Variants in ADGRL2 observed in about 807,000 individuals in gnomAD.
ADGRL2 encodes the protein adhesion G protein-coupled receptor L2.
In ADGRL2, 44 loss-of-function variants were observed where a neutral mutation model predicts 157.4. That is an observed-to-expected ratio of 0.28 (90% CI 0.22 to 0.36). The LOEUF is 0.36. Ranked by LOEUF, ADGRL2 falls within the 10% of genes least tolerant of loss-of-function variation. ADGRL2 has a pLI of 1.00. For missense variants in ADGRL2, 1,510 were observed against 1,768.9 expected (o/e 0.85, Z 2.63); for synonymous variants, 585 against 624.7 (o/e 0.94, Z 0.95).
chr1:81,947,407 A>T (rs187080420), intron 6 of ADGRL2, among the ~76,000 whole-genome samples: 209 of 152,352 alleles, frequency 1.4e-3, no homozygotes, highest in Middle Eastern at 3.4e-3. Context: ...TCTAGAGTCT[A>T]TGAAAATCTG....
rs377136402 is a variant in ADGRL2 at position 81,924,146 on chromosome 1, T to C, written c.288-12582T>C. Reference sequence around the variant, plus strand: ...ACCTGTGTGGCTGATTCTTCCCGCATATGTGTGTGCCTCCCTCAAGTATAT... The same window carrying C: ...ACCTGTGTGGCTGATTCTTCCCGCACATGTGTGTGCCTCCCTCAAGTATAT... On this transcript the variant is annotated intron_variant, in intron 3 of 23. Transcript: ENST00000686636. 5.9e-4 allele frequency among the ~76,000 whole-genome samples: 90 copies of C among 152,308 alleles called. No individual in the cohort carries two copies. In the South Asian group the frequency reaches 0.018, roughly 30 times the overall value.
intron 2 of ADGRL2, among the ~76,000 whole-genome samples, chr1:81,522,535 A>T (rs1178222279): frequency 6.6e-6 from 1 of 152,146 alleles, no homozygotes; most frequent in African/African-American, 2.4e-5. Context: ...AGCAGCACAT[A>T]TCAAGGAGGT....
intron 2 of ADGRL2, among the ~76,000 whole-genome samples, chr1:81,883,975 T>G (rs1277411347): frequency 7.1e-6 from 1 of 140,316 alleles, no homozygotes; most frequent in African/African-American, 2.7e-5. Flanking sequence ...AATGTTTCTT[T>G]GTTTTCATAT....
intron 2 of ADGRL2, among the ~76,000 whole-genome samples, chr1:81,896,859 A>T (rs1025931232): frequency 6.6e-6 from 1 of 152,168 alleles, no homozygotes; most frequent in African/African-American, 2.4e-5. Flanking sequence ...ATTCATTCAT[A>T]TATCCATTTA....
intron 3 of ADGRL2, among the ~76,000 whole-genome samples, chr1:81,914,659 T>C (rs751603877): frequency 3.3e-5 from 5 of 152,210 alleles, no homozygotes; most frequent in African/African-American, 1.2e-4. Context: ...TAACCCATCA[T>C]GTCTATGCAA....
At chr1:81,697,642 A>G (rs2083473104), upstream of ADGRL2, among the ~76,000 whole-genome samples, 1 of 152,228 alleles carries the variant, frequency 6.6e-6, no homozygotes, top group Non-Finnish European at 1.5e-5. Context: ...AAGACATTGG[A>G]TAGCAAAATC....
chr1:81,424,194 G>A (rs6684794), intron 1 of ADGRL2, among the ~76,000 whole-genome samples: 72,924 of 152,002 alleles, frequency 0.48, 17,991 homozygotes, highest in Non-Finnish European at 0.53. Flanking sequence ...GAGCATCCCA[G>A]AAAGGATGAT....
chr1:81,310,181 T>C (rs567009278), intron 1 of ADGRL2, among the ~76,000 whole-genome samples: 9 of 152,144 alleles, frequency 5.9e-5, no homozygotes, highest in South Asian at 4.1e-4. Context: ...CGGTGAAACA[T>C]TGAATATAAT....
At chr1:81,665,342 G>T (rs952108585) in intron 3 of ADGRL2, among the ~76,000 whole-genome samples, 1 of 152,008 alleles carries the variant, frequency 6.6e-6, no homozygotes. Flanking sequence ...ATCTTATGTG[G>T]TTTCTATGTA....
At chr1:81,361,017 A>G (rs2075969394) in intron 1 of ADGRL2, among the ~76,000 whole-genome samples, 1 of 151,902 alleles carries the variant, frequency 6.6e-6, no homozygotes, top group Non-Finnish European at 1.5e-5. Context: ...CCCAGCCCCC[A>G]TAAGAAGAAA....
chr1:81,929,797 A>AGG (rs2095187964), intron 3 of ADGRL2, among the ~76,000 whole-genome samples: 1 of 152,138 alleles, frequency 6.6e-6, no homozygotes, highest in Non-Finnish European at 1.5e-5. Context: ...CATCTTACAT[A>AGG]GGGGACATTG....
chr1:81,610,655 G>A (rs761048523), intron 3 of ADGRL2, among the ~76,000 whole-genome samples: 4 of 152,140 alleles, frequency 2.6e-5, no homozygotes, highest in Non-Finnish European at 4.4e-5. Flanking sequence ...GGGTAAGAGA[G>A]GAATCTGTGA....
intron 3 of ADGRL2, among the ~76,000 whole-genome samples, chr1:81,595,611 C>T (rs2081215197): frequency 6.6e-6 from 1 of 152,160 alleles, no homozygotes; most frequent in African/African-American, 2.4e-5. Context: ...AATTGATTAA[C>T]ATTTAAGAAA....
At chr1:81,361,974 T>C (rs987033890) in intron 1 of ADGRL2, among the ~76,000 whole-genome samples, 4 of 151,888 alleles carry the variant, frequency 2.6e-5, no homozygotes, top group African/African-American at 9.7e-5. Flanking sequence ...TAGTCTGCCC[T>C]CCATTCCCGG....
chr1:81,855,428 G>A lies in ADGRL2; in HGVS notation c.73+18371G>A, dbSNP rs566776975. Among the ~76,000 whole-genome samples, 4 of 152,198 alleles carry A rather than the reference G, an allele frequency of 2.6e-5. No homozygotes were observed. The East Asian group carries it at 5.8e-4, about 22-fold the overall frequency. ...TGCACTTCAGCCTGGGCCACAGAGC[G>A]AGGCCCTGTCTCAAAAAAACCAAAA... On this transcript the variant is annotated intron_variant, in intron 2 of 23. Transcript: ENST00000686636.
intron 11 of ADGRL2, among the ~76,000 whole-genome samples, chr1:81,961,752 C>T (rs915387634): frequency 1.3e-5 from 2 of 152,000 alleles, no homozygotes; most frequent in African/African-American, 4.8e-5. Flanking sequence ...TCAGGTGATC[C>T]GCCTGCCTCA....
At chr1:81,455,595 T>C (rs1483777901) in intron 2 of ADGRL2, among the ~76,000 whole-genome samples, 1 of 152,174 alleles carries the variant, frequency 6.6e-6, no homozygotes, top group African/African-American at 2.4e-5. Context: ...AAGCCATGTG[T>C]TCTGCTTATT....
intron 1 of ADGRL2, among the ~76,000 whole-genome samples, chr1:81,704,797 G>C (rs1463045222): frequency 6.6e-6 from 1 of 152,232 alleles, no homozygotes; most frequent in East Asian, 1.9e-4. Flanking sequence ...TGGAGTGTAT[G>C]TAGGGGATTT....
At chr1:81,722,957 A>T (rs2084384693) in intron 1 of ADGRL2, 1 of 767,794 alleles carries the variant, frequency 1.3e-6, no homozygotes, top group Admixed American at 1.7e-5. Context: ...TCCAGAAGTT[A>T]TGGTGGCCTT....
Sources: gnomAD v4.1 joint callset for allele counts (sites outside exome capture counted in the v4.1 genomes callset) on GRCh38, gnomAD v4.1.1 for gene constraint, MANE v1.5 for transcripts, NCBI Gene and HGNC (gene_info 2026-07-23, HGNC 2026-07-21) for gene names.